The following CFAP210 variants were observed in gnomAD, a reference collection of about 807,000 sequenced individuals.
CFAP210 encodes cilia- and flagella- associated protein 210.
the CFAP210 span, among the ~76,000 whole-genome samples, chr2:169,667,703 G>A: frequency 6.6e-6 from 1 of 152,028 alleles, no homozygotes; most frequent in African/African-American, 2.4e-5. Context: ...ATGACCAGGT[G>A]CATTGTCAAT....
the CFAP210 span, chr2:169,694,183 A>C: frequency 4.3e-6 from 6 of 1,402,874 alleles, no homozygotes; most frequent in Non-Finnish European, 6.1e-6. Flanking sequence ...TGAAGCCCTC[A>C]TTCGGCATCC....
At chr2:169,674,895 T>C in the CFAP210 span, 1 of 1,522,802 alleles carries the variant, frequency 6.6e-7, no homozygotes, top group South Asian at 1.3e-5. Flanking sequence ...TTCTGTCTGG[T>C]AAAATTGATA....
chr2:169,656,964 CAAAA>C, the CFAP210 span, among the ~76,000 whole-genome samples: 1 of 40,338 alleles, frequency 2.5e-5, no homozygotes, highest in Non-Finnish European at 3.9e-5. Flanking sequence ...GACTCCATCT[CAAAA>C]AAAAAAAAAA....
the CFAP210 span, among the ~76,000 whole-genome samples, chr2:169,657,439 TG>T: frequency 6.6e-6 from 1 of 151,932 alleles, no homozygotes; most frequent in Admixed American, 6.6e-5. Context: ...GAAAAATGGC[TG>T]GGCACAGTGG....
At chr2:169,669,309 T>C in the CFAP210 span, among the ~76,000 whole-genome samples, 2 of 152,252 alleles carry the variant, frequency 1.3e-5, no homozygotes, top group Admixed American at 1.3e-4. Flanking sequence ...GAGAGGAGGT[T>C]GCGAAGTAGG....
the CFAP210 span, among the ~76,000 whole-genome samples, chr2:169,669,202 T>C: frequency 2.1e-3 from 314 of 152,084 alleles, no homozygotes; most frequent in Middle Eastern, 6.8e-3. Context: ...TTCCAGACCA[T>C]AGAGAAAACA....
At chr2:169,682,632 G>A in the CFAP210 span, among the ~76,000 whole-genome samples, 1 of 152,120 alleles carries the variant, frequency 6.6e-6, no homozygotes, top group Non-Finnish European at 1.5e-5. Flanking sequence ...GGCTGAAAAA[G>A]TGAATTCTGC....
At chr2:169,656,526 G>T in the CFAP210 span, among the ~76,000 whole-genome samples, 7 of 150,848 alleles carry the variant, frequency 4.6e-5, no homozygotes, top group Non-Finnish European at 1.0e-4. Context: ...AGGAGGAGAA[G>T]GAGACAGGAA....
At chr2:169,693,880 T>C in the CFAP210 span, among the ~76,000 whole-genome samples, 2 of 152,118 alleles carry the variant, frequency 1.3e-5, no homozygotes, top group Admixed American at 1.3e-4. Flanking sequence ...CCAAGAGATA[T>C]TCCAATTCAA....
chr2:169,671,017 T>G, the CFAP210 span, among the ~76,000 whole-genome samples: 1 of 152,188 alleles, frequency 6.6e-6, no homozygotes, highest in African/African-American at 2.4e-5. Flanking sequence ...ATCTGCAATT[T>G]CCATTTCTTT....
the CFAP210 span, among the ~76,000 whole-genome samples, chr2:169,692,438 G>GCA: frequency 1.0e-5 from 1 of 96,804 alleles, no homozygotes; most frequent in Non-Finnish European, 2.2e-5. Context: ...AGGGCAACAG[G>GCA]CGCACGCACA....
At chr2:169,689,466 T>C in the CFAP210 span, among the ~76,000 whole-genome samples, 724 of 152,352 alleles carry the variant, frequency 4.8e-3, 9 homozygotes, top group African/African-American at 0.017. Flanking sequence ...TGTAAACTGA[T>C]CATCTTTCAA....
the CFAP210 span, among the ~76,000 whole-genome samples, chr2:169,689,863 T>C: frequency 1.3e-5 from 2 of 152,370 alleles, no homozygotes; most frequent in Admixed American, 1.3e-4. Flanking sequence ...GTTTTGTTCC[T>C]TATTCTATTT....
the CFAP210 span, among the ~76,000 whole-genome samples, chr2:169,691,254 C>T: frequency 6.6e-6 from 1 of 152,094 alleles, no homozygotes; most frequent in Admixed American, 6.6e-5. Flanking sequence ...CATTTCTGTT[C>T]AGTTCCTTTT....
At chr2:169,649,691 G>A in the CFAP210 span, among the ~76,000 whole-genome samples, 2 of 152,126 alleles carry the variant, frequency 1.3e-5, no homozygotes, top group African/African-American at 4.8e-5. Flanking sequence ...CACTTTGGGA[G>A]GCCGAGGTGG....
the CFAP210 span, among the ~76,000 whole-genome samples, chr2:169,687,494 G>T: frequency 6.8e-6 from 1 of 147,496 alleles, no homozygotes; most frequent in East Asian, 2.0e-4. Flanking sequence ...CAGGACCCAT[G>T]CAAGTCCAAA....
chr2:169,669,333 A>G, the CFAP210 span, among the ~76,000 whole-genome samples: 1 of 152,356 alleles, frequency 6.6e-6, no homozygotes, highest in South Asian at 2.1e-4. Flanking sequence ...GCCAGATCAT[A>G]CAGAGCCTTG....
the CFAP210 span, among the ~76,000 whole-genome samples, chr2:169,679,188 T>C: frequency 1.3e-5 from 2 of 152,208 alleles, no homozygotes; most frequent in African/African-American, 4.8e-5. Context: ...TTAAAATGGT[T>C]CATAGACCTA....
At chr2:169,685,659 A>C in the CFAP210 span, among the ~76,000 whole-genome samples, 3 of 151,990 alleles carry the variant, frequency 2.0e-5, no homozygotes, top group African/African-American at 7.2e-5. Context: ...TTTTGGTGTC[A>C]TATCTAAGAA....
Sources: allele counts gnomAD v4.1 joint callset (sites outside exome capture counted in the v4.1 genomes callset), GRCh38; gene constraint gnomAD v4.1.1; transcripts MANE v1.5; gene names NCBI Gene and HGNC (gene_info 2026-07-23, HGNC 2026-07-21).